Variants in NKAIN3 observed in about 807,000 individuals in gnomAD.
NKAIN3 encodes the protein sodium/potassium transporting ATPase interacting 3, also known as sodium/potassium-transporting ATPase subunit beta-1-interacting protein 3.
In NKAIN3, 25 loss-of-function variants were observed where a neutral mutation model predicts 30.2. The observed-to-expected ratio is 0.83, with a 90% CI of 0.60 to 1.16. The LOEUF (loss-of-function observed/expected upper bound fraction) is 1.16. Among genes scored for constraint, NKAIN3 ranks in the 50% most tolerant of loss-of-function variants. NKAIN3 has a pLI of 0.00. For synonymous variants in NKAIN3, 91 were observed against 89.6 expected, an observed-to-expected ratio of 1.02 and a Z score of -0.09; for missense variants, 225 against 254.1, an observed-to-expected ratio of 0.89 and a Z score of 0.78.
chr8:62,687,442 T>A (rs1304074858), intron 3 of NKAIN3, among the ~76,000 whole-genome samples: 3 of 152,208 alleles, frequency 2.0e-5, no homozygotes, highest in Non-Finnish European at 4.4e-5. Context: ...GATTGTCCCT[T>A]TCATCCTTGA....
At chr8:62,739,831 C>T (rs943985934) in intron 3 of NKAIN3, among the ~76,000 whole-genome samples, 2 of 152,038 alleles carry the variant, frequency 1.3e-5, no homozygotes, top group Admixed American at 1.3e-4. Context: ...GATCAGTGGC[C>T]ACTCCTCAAT....
intron 5 of NKAIN3, among the ~76,000 whole-genome samples, chr8:62,927,713 G>A (rs1417741972): frequency 6.6e-6 from 1 of 152,054 alleles, no homozygotes; most frequent in Non-Finnish European, 1.5e-5. Context: ...TGTTCAAGCT[G>A]CTTTTGGAGT....
At chr8:62,669,576 T>C (rs1333084714) in intron 3 of NKAIN3, among the ~76,000 whole-genome samples, 1 of 152,190 alleles carries the variant, frequency 6.6e-6, no homozygotes, top group African/African-American at 2.4e-5. Flanking sequence ...TGTTAGCATG[T>C]ATAATCATGA....
chr8:62,904,740 A>G (rs566564953), intron 4 of NKAIN3, among the ~76,000 whole-genome samples: 2 of 152,358 alleles, frequency 1.3e-5, no homozygotes, highest in East Asian at 3.9e-4. Flanking sequence ...GAAGCATTTG[A>G]TGAAACATTC....
intron 1 of NKAIN3, among the ~76,000 whole-genome samples, chr8:62,423,729 T>C (rs752010308): frequency 6.6e-6 from 1 of 152,026 alleles, no homozygotes; most frequent in Non-Finnish European, 1.5e-5. Flanking sequence ...TCTGAAATTA[T>C]CATGGCCCCT....
At chr8:62,909,266 GAGTTAGAATGT>G (rs1269313359) in intron 4 of NKAIN3, among the ~76,000 whole-genome samples, 1 of 152,078 alleles carries the variant, frequency 6.6e-6, no homozygotes, top group Non-Finnish European at 1.5e-5. Context: ...ACAAAAAGTG[GAGTTAGAATGT>G]AGCTTTATGT....
At chr8:62,252,271 A>G (rs1004809626) in intron 1 of NKAIN3, among the ~76,000 whole-genome samples, 1 of 152,230 alleles carries the variant, frequency 6.6e-6, no homozygotes, top group South Asian at 2.1e-4. Flanking sequence ...GACAATCTAC[A>G]TGCTCATGAC....
chr8:62,402,438 C>G (rs921393693), intron 1 of NKAIN3, among the ~76,000 whole-genome samples: 4 of 152,216 alleles, frequency 2.6e-5, no homozygotes, highest in African/African-American at 9.6e-5. Flanking sequence ...CCACCCAAAT[C>G]TCATTTTGAA....
intron 4 of NKAIN3, among the ~76,000 whole-genome samples, chr8:62,898,992 T>C (rs1193658659): frequency 6.6e-6 from 1 of 152,148 alleles, no homozygotes; most frequent in African/African-American, 2.4e-5. Context: ...TTCAACATCA[T>C]TGATCATCAG....
At chr8:62,724,022 A>T (rs1259700354) in intron 3 of NKAIN3, among the ~76,000 whole-genome samples, 1 of 152,080 alleles carries the variant, frequency 6.6e-6, no homozygotes, top group African/African-American at 2.4e-5. Flanking sequence ...TTATAGGACT[A>T]ATGATTTCTT....
intron 4 of NKAIN3, among the ~76,000 whole-genome samples, chr8:62,880,887 C>A (rs1820955645): frequency 6.6e-6 from 1 of 152,094 alleles, no homozygotes; most frequent in Admixed American, 6.6e-5. Context: ...CATAGAAAAT[C>A]ATTTCTGTAT....
chr8:62,834,079 T>C (rs1269596508), intron 4 of NKAIN3, among the ~76,000 whole-genome samples: 3 of 152,036 alleles, frequency 2.0e-5, no homozygotes, highest in Admixed American at 6.6e-5. Context: ...AAAAATCAAA[T>C]GATGATCTCA....
At chr8:62,639,627 T>A (rs1180052908) in intron 3 of NKAIN3, among the ~76,000 whole-genome samples, 2 of 152,098 alleles carry the variant, frequency 1.3e-5, no homozygotes, top group South Asian at 2.1e-4. Flanking sequence ...GAAAAAGAAA[T>A]TGACCTTGCA....
Position 62,677,562 on chromosome 8 carries a change from C to CCTCAGGG in NKAIN3, c.274-69369_274-69363dup, listed in dbSNP as rs377558448. On this transcript the variant is annotated intron_variant, in intron 3 of 6. Transcript: ENST00000623646. Reference sequence around the variant, plus strand: ...CAGCATGCACTGTAGTCCCCTGTGTCCTCAGGGTCCACTTGAATCATCTAA... The same window carrying CCTCAGGG: ...CAGCATGCACTGTAGTCCCCTGTGTCCTCAGGGCTCAGGGTCCACTTGAATCATCTAA... Among the ~76,000 whole-genome samples the CCTCAGGG allele has an allele frequency of 7.0e-4, 107 of 152,292 alleles. 1 individual carries two copies. The Middle Eastern group carries it at 0.01, about 15-fold the overall frequency.
At chr8:62,576,464 C>G (rs1810111223) in intron 1 of NKAIN3, among the ~76,000 whole-genome samples, 1 of 152,056 alleles carries the variant, frequency 6.6e-6, no homozygotes, top group African/African-American at 2.4e-5. Context: ...TTTCAGTCCT[C>G]TACGCTTCTG....
At chr8:62,580,322 A>G (rs750985255) in intron 2 of NKAIN3, among the ~76,000 whole-genome samples, 1 of 152,196 alleles carries the variant, frequency 6.6e-6, no homozygotes, top group Non-Finnish European at 1.5e-5. Context: ...ATCTAATGGA[A>G]GTTATTCACA....
chr8:62,535,910 C>T (rs1808645949), intron 1 of NKAIN3, among the ~76,000 whole-genome samples: 1 of 152,136 alleles, frequency 6.6e-6, no homozygotes, highest in Admixed American at 6.6e-5. Flanking sequence ...GAGGGCCAGA[C>T]ATCAATGGCC....
At chr8:62,302,526 C>T (rs1329109608) in intron 1 of NKAIN3, among the ~76,000 whole-genome samples, 2 of 151,994 alleles carry the variant, frequency 1.3e-5, no homozygotes, top group Non-Finnish European at 2.9e-5. Context: ...TTTAGCTAAG[C>T]TTATACTTTG....
At chr8:62,820,383 A>T (rs982149732) in intron 4 of NKAIN3, among the ~76,000 whole-genome samples, 1 of 152,286 alleles carries the variant, frequency 6.6e-6, no homozygotes, top group Non-Finnish European at 1.5e-5. Context: ...TAATTCAGTT[A>T]AGACTTCGAG....
Sources: gnomAD v4.1 joint callset for allele counts (sites outside exome capture counted in the v4.1 genomes callset) on GRCh38, gnomAD v4.1.1 for gene constraint, MANE v1.5 for transcripts, NCBI Gene and HGNC (gene_info 2026-07-23, HGNC 2026-07-21) for gene names.